Variants in XKR6 observed in about 807,000 individuals in gnomAD.
XKR6 encodes XK-related protein 6.
XKR6 carries 22 observed loss-of-function variants against 56.7 expected under a neutral mutation model. The ratio of observed to expected loss-of-function variants is 0.39; its 90% CI spans 0.28 to 0.55. The LOEUF is 0.55. XKR6 is among the 20% of genes least tolerant of loss of function. The pLI is 0.66. For missense variants in XKR6, 852 were observed against 889.0 expected, an observed-to-expected ratio of 0.96 and a Z score of 0.53; for synonymous variants, 524 against 387.8, an observed-to-expected ratio of 1.35 and a Z score of -4.13.
intron 1 of XKR6, among the ~76,000 whole-genome samples, chr8:11,180,426 C>A (rs994278563): frequency 1.3e-5 from 2 of 152,230 alleles, no homozygotes; most frequent in Admixed American, 1.3e-4. Context: ...CACCCTTGGC[C>A]TCTACCAACT....
chr8:11,071,343 G>A (rs1334720888), intron 1 of XKR6, among the ~76,000 whole-genome samples: 3 of 152,172 alleles, frequency 2.0e-5, no homozygotes, highest in African/African-American at 7.2e-5. Flanking sequence ...GGGTTCAAGG[G>A]ACTCTCGTGC....
intron 1 of XKR6, among the ~76,000 whole-genome samples, chr8:11,112,668 T>C (rs1388696000): frequency 6.6e-6 from 1 of 152,058 alleles, no homozygotes; most frequent in Admixed American, 6.6e-5. Flanking sequence ...AACCACTGAG[T>C]GCACACTGGT....
intron 1 of XKR6, among the ~76,000 whole-genome samples, chr8:10,957,409 G>A (rs889104598): frequency 1.3e-4 from 20 of 152,142 alleles, no homozygotes; most frequent in African/African-American, 4.8e-4. Flanking sequence ...CTTCCTTCAG[G>A]CCCTTCTACT....
At chr8:11,022,254 C>T (rs1586441554) in intron 1 of XKR6, among the ~76,000 whole-genome samples, 2 of 151,904 alleles carry the variant, frequency 1.3e-5, no homozygotes, top group Admixed American at 1.3e-4. Flanking sequence ...CTGCAGAGTG[C>T]TGTTGCCTTA....
intron 1 of XKR6, among the ~76,000 whole-genome samples, chr8:11,024,591 T>G (rs766420901): frequency 3.3e-5 from 5 of 152,312 alleles, no homozygotes; most frequent in East Asian, 3.9e-4. Flanking sequence ...TCTCCCAGAC[T>G]TCATCTGTCC....
intron 1 of XKR6, among the ~76,000 whole-genome samples, chr8:11,024,333 C>A (rs960720245): frequency 6.6e-6 from 1 of 151,842 alleles, no homozygotes; most frequent in Non-Finnish European, 1.5e-5. Flanking sequence ...AACCTCTGCC[C>A]TCCCCAGTTG....
intron 1 of XKR6, among the ~76,000 whole-genome samples, chr8:11,103,166 TAC>T (rs957110650): frequency 2.6e-5 from 4 of 152,200 alleles, no homozygotes; most frequent in Admixed American, 1.3e-4. Context: ...AATCTCAATT[TAC>T]ACAGATAAAT....
At chr8:11,141,668 C>T (rs1800703683) in intron 1 of XKR6, among the ~76,000 whole-genome samples, 1 of 152,156 alleles carries the variant, frequency 6.6e-6, no homozygotes, top group African/African-American at 2.4e-5. Context: ...CAGCTCTCCC[C>T]CAATATGAGT....
chr8:11,024,444 T>C (rs531129181), intron 1 of XKR6, among the ~76,000 whole-genome samples: 22 of 152,208 alleles, frequency 1.4e-4, no homozygotes, highest in Non-Finnish European at 3.1e-4. Context: ...AAGATTTAAA[T>C]AAAGTAATCC....
chr8:11,188,269 C>A (rs1803379497), intron 1 of XKR6, among the ~76,000 whole-genome samples: 1 of 152,166 alleles, frequency 6.6e-6, no homozygotes, highest in Non-Finnish European at 1.5e-5. Context: ...TACACACCAA[C>A]CCTTTCCCAC....
At chr8:11,113,961 C>T (rs905552987) in intron 1 of XKR6, 3 of 328,936 alleles carry the variant, frequency 9.1e-6, no homozygotes, top group South Asian at 4.8e-5. Context: ...GCCTCCCTCT[C>T]GCTGGCTTTG....
At chr8:11,078,499 C>T (rs925969656) in intron 1 of XKR6, among the ~76,000 whole-genome samples, 5 of 152,204 alleles carry the variant, frequency 3.3e-5, no homozygotes, top group African/African-American at 9.6e-5. Context: ...GGCTTCTTCC[C>T]ATCTGCCAGG....
In XKR6 at chr8:11,124,341, A is replaced by G; in HGVS notation, c.764+76235T>C. The G allele has an allele frequency of 1.0e-5, 3 of 291,196 alleles. No homozygotes were observed. In the South Asian group the frequency reaches 1.1e-4, roughly 10 times the overall value. 18.0% of individuals were successfully genotyped at this position (291,196 alleles called of 1,614,324 possible). A position where few individuals can be genotyped will look rare whatever the true frequency, so the allele number is the denominator to read the frequency against. On this transcript the variant is annotated intron_variant, in intron 1 of 2. Coordinates refer to ENST00000416569, the MANE Select transcript of XKR6 (RefSeq NM_173683.4). ...GGACTCTTGAGATCATCAATAACCCACTCAGCGGTGGGGCCAACTCGATGT... is the reference window on the plus strand; with the variant it reads ...GGACTCTTGAGATCATCAATAACCCGCTCAGCGGTGGGGCCAACTCGATGT...
Position 11,200,084 on chromosome 8 carries a change from C to T in XKR6, c.764+492G>A, listed in dbSNP as rs1376253516. Among the ~76,000 whole-genome samples the T allele has an allele frequency of 6.6e-6, 1 of 152,080 alleles. No individual in the cohort carries two copies. The highest frequency in any genetic ancestry group is 2.4e-5 in the African/African-American group (1 of 41,400). ...CGTGGAATCCAGGAGTGCTCGGAGG[C>T]GGCAGCAAGGGTTTTTCCACAGGGC... On this transcript the variant is annotated intron_variant, in intron 1 of 2. Transcript: ENST00000416569. The surrounding 1 kb of genome is among the most constrained non-coding windows in gnomAD (Gnocchi z 6.4).
intron 1 of XKR6, among the ~76,000 whole-genome samples, chr8:10,963,432 C>G (rs547510754): frequency 3.9e-5 from 6 of 152,336 alleles, no homozygotes; most frequent in Admixed American, 3.3e-4. Flanking sequence ...TGCTTCGATA[C>G]CTGCCTCCAG....
At chr8:11,151,692 C>A (rs1298347119) in intron 1 of XKR6, among the ~76,000 whole-genome samples, 1 of 150,820 alleles carries the variant, frequency 6.6e-6, no homozygotes, top group Non-Finnish European at 1.5e-5. Flanking sequence ...AGTCTTTGAA[C>A]AAGTTTTTTT....
chr8:10,964,254 A>C (rs1429188608), intron 1 of XKR6, among the ~76,000 whole-genome samples: 1 of 152,110 alleles, frequency 6.6e-6, no homozygotes, highest in Non-Finnish European at 1.5e-5. Context: ...TTGGTTCTAA[A>C]AACCCAATAC....
intron 1 of XKR6, among the ~76,000 whole-genome samples, chr8:11,033,838 C>T (rs1416176127): frequency 6.6e-6 from 1 of 152,178 alleles, no homozygotes; most frequent in Non-Finnish European, 1.5e-5. Flanking sequence ...TTTAAACAAG[C>T]TCCCCAAGTA....
At chr8:10,955,260 C>A (rs1801848338) in intron 1 of XKR6, among the ~76,000 whole-genome samples, 1 of 152,098 alleles carries the variant, frequency 6.6e-6, no homozygotes. Flanking sequence ...GCAGTCTTGA[C>A]CTCCCAGGCT....
Sources: gnomAD v4.1 joint callset for allele counts (sites outside exome capture counted in the v4.1 genomes callset) on GRCh38, gnomAD v4.1.1 for gene constraint, Gnocchi (gnomAD v3.1) non-coding constraint, MANE v1.5 for transcripts, NCBI Gene and HGNC (gene_info 2026-07-23, HGNC 2026-07-21) for gene names.